CECR2: variants seen among roughly 807,000 people sequenced by gnomAD.
CECR2 encodes chromatin remodeling regulator CECR2.
In CECR2, 30 loss-of-function variants were observed where a neutral mutation model predicts 154.5. That is an observed-to-expected ratio of 0.19 (90% CI 0.15 to 0.26). The LOEUF (loss-of-function observed/expected upper bound fraction) is 0.26, where lower values mean the gene tolerates loss of function less well. CECR2 is among the 10% of genes least tolerant of loss of function. The pLI is 1.00. For missense variants in CECR2, 1,743 were observed against 1,829.3 expected (o/e 0.95, Z 0.86); for synonymous variants, 725 against 683.7 (o/e 1.06, Z -0.94).
At chr22:17,480,604 T>A (rs944123904) in intron 2 of CECR2, among the ~76,000 whole-genome samples, 1 of 152,212 alleles carries the variant, frequency 6.6e-6, no homozygotes, top group African/African-American at 2.4e-5. Context: ...AAATGATGGT[T>A]CCACATGCGG....
At chr22:17,396,492 AG>A (rs1191068685) in intron 1 of CECR2, among the ~76,000 whole-genome samples, 1 of 152,184 alleles carries the variant, frequency 6.6e-6, no homozygotes, top group East Asian at 1.9e-4. Flanking sequence ...GGTTGCGGTG[AG>A]CCGGGATTGC....
intron 1 of CECR2, among the ~76,000 whole-genome samples, chr22:17,414,640 T>TG (rs1462692407): frequency 6.6e-6 from 1 of 152,066 alleles, no homozygotes; most frequent in Non-Finnish European, 1.5e-5. Flanking sequence ...ACATTAGGTA[T>TG]GTCTCCTAAT....
rs1470270610 is a variant in CECR2 at position 17,422,497 on chromosome 22, G to A, written c.126+52588G>A. On this transcript the variant is annotated intron_variant, in intron 1 of 18. Coordinates refer to ENST00000262608, the MANE Select transcript of CECR2 (RefSeq NM_001290047.2). ...GGATCCCATGCCTGGCCTTAGAGTA[G>A]TTTTTTGAGCATTTATTGTGCTTGG... Among the ~76,000 whole-genome samples the A allele has an allele frequency of 4.6e-5, 7 of 152,126 alleles. No homozygotes were observed. The East Asian group carries it at 1.3e-3, about 29-fold the overall frequency.
chr22:17,371,807 T>C (rs1013934693), intron 1 of CECR2, among the ~76,000 whole-genome samples: 1 of 152,236 alleles, frequency 6.6e-6, no homozygotes, highest in South Asian at 2.1e-4. Context: ...TCAAAATCCA[T>C]GTATTCCCAT....
At chr22:17,418,250 G>A (rs1217211911) in intron 1 of CECR2, among the ~76,000 whole-genome samples, 1 of 152,190 alleles carries the variant, frequency 6.6e-6, no homozygotes, top group Non-Finnish European at 1.5e-5. Context: ...TGGAAAATAA[G>A]TGCAATCATA....
chr22:17,372,622 C>T (rs941099421), intron 1 of CECR2, among the ~76,000 whole-genome samples: 4 of 152,048 alleles, frequency 2.6e-5, no homozygotes, highest in African/African-American at 9.7e-5. Flanking sequence ...GAGCCGAGAT[C>T]GTGCCATTGC....
rs1242814742 is a variant in CECR2 at position 17,505,137 on chromosome 22, C to G, written c.870+121C>G. 2.2e-5 allele frequency: 21 copies of G among 936,424 alleles called. No homozygotes were observed. The East Asian group carries it at 5.1e-4, about 23-fold the overall frequency. The allele number at this position is 936,424 out of a possible 1,614,324, so 58.0% of individuals were successfully genotyped here. A position where few individuals can be genotyped will look rare whatever the true frequency, so the allele number is the denominator to read the frequency against. ...TCCTGGAAATAGTGCAGTCTTCCAT[C>G]CTGTCTGAACTCCAGTGTTAGAATG... On this transcript the variant is annotated intron_variant, in intron 7 of 18. Coordinates refer to ENST00000262608, the MANE Select transcript of CECR2 (RefSeq NM_001290047.2).
rs184442783 is a variant in CECR2 at position 17,521,474 on chromosome 22, G to A, written c.955-2644G>A. Among the ~76,000 whole-genome samples the A allele has an allele frequency of 6.4e-3, 963 of 151,358 alleles. 11 individuals carry two copies. The highest frequency in any genetic ancestry group is 0.022 in the African/African-American group (920 of 41,222). ...AGAATGGTGGAGCTTGCAGTGAGCC[G>A]AGATGGCGCCACTGCACTCCAGCCT... On this transcript the variant is annotated intron_variant, in intron 8 of 18. Transcript: ENST00000262608.
intron 2 of CECR2, among the ~76,000 whole-genome samples, chr22:17,488,916 A>T (rs2055473969): frequency 6.6e-6 from 1 of 152,180 alleles, no homozygotes; most frequent in Admixed American, 6.6e-5. Flanking sequence ...ATATCTGAAC[A>T]GTCCAGTTGC....
chr22:17,468,926 A>G (rs1448958798), intron 1 of CECR2, among the ~76,000 whole-genome samples: 2 of 152,144 alleles, frequency 1.3e-5, no homozygotes, highest in African/African-American at 4.8e-5. Context: ...GGCGGGAGGC[A>G]GGAGGACAAG....
intron 1 of CECR2, among the ~76,000 whole-genome samples, chr22:17,424,173 A>G (rs1017123838): frequency 1.3e-5 from 2 of 152,148 alleles, no homozygotes; most frequent in African/African-American, 4.8e-5. Context: ...CCTGGGTTCA[A>G]GCAATCCTCC....
intron 6 of CECR2, among the ~76,000 whole-genome samples, chr22:17,504,592 G>A (rs928904759): frequency 3.3e-4 from 49 of 150,440 alleles, no homozygotes; most frequent in Middle Eastern, 3.4e-3. Flanking sequence ...GCCCGCCACC[G>A]CGCCCGGCTA....
chr22:17,508,815 G>A (rs560434454), intron 7 of CECR2, among the ~76,000 whole-genome samples: 24 of 152,276 alleles, frequency 1.6e-4, no homozygotes, highest in Non-Finnish European at 3.2e-4. Flanking sequence ...ACATGACTGC[G>A]TGTCAGATTG....
At chr22:17,401,099 A>G (rs1248521474) in intron 1 of CECR2, among the ~76,000 whole-genome samples, 1 of 152,004 alleles carries the variant, frequency 6.6e-6, no homozygotes, top group Non-Finnish European at 1.5e-5. Context: ...AGGATTTTCT[A>G]AAGACTTCTT....
At chr22:17,368,560 A>G (rs370230152), upstream of CECR2, among the ~76,000 whole-genome samples, 1 of 152,186 alleles carries the variant, frequency 6.6e-6, no homozygotes, top group Admixed American at 6.5e-5. Flanking sequence ...TCTAAAGCAC[A>G]CACTCCAACA....
intron 1 of CECR2, among the ~76,000 whole-genome samples, chr22:17,451,661 C>T (rs1859662489): frequency 6.6e-6 from 1 of 152,130 alleles, no homozygotes; most frequent in South Asian, 2.1e-4. Context: ...AAGTTCTTTC[C>T]AGTGTATGGC....
At chr22:17,450,081 T>G (rs5746395) in intron 1 of CECR2, among the ~76,000 whole-genome samples, 45,280 of 152,096 alleles carry the variant, frequency 0.3, 9,604 homozygotes, top group African/African-American at 0.57. Context: ...GTTTAAGGAA[T>G]GAGAACAGTA....
At chr22:17,383,771 TCTC>T (rs956652244) in intron 1 of CECR2, among the ~76,000 whole-genome samples, 9 of 150,252 alleles carry the variant, frequency 6.0e-5, no homozygotes, top group African/African-American at 2.0e-4. Context: ...TTCAAGCAAT[TCTC>T]CTCCCTCAGC....
intron 1 of CECR2, among the ~76,000 whole-genome samples, chr22:17,448,859 C>T (rs1476493779): frequency 6.6e-6 from 1 of 151,844 alleles, no homozygotes; most frequent in Non-Finnish European, 1.5e-5. Context: ...TTTTCAGATT[C>T]CTCTTTTTTA....
Sources: allele counts gnomAD v4.1 joint callset (sites outside exome capture counted in the v4.1 genomes callset), GRCh38; gene constraint gnomAD v4.1.1; transcripts MANE v1.5; gene names NCBI Gene and HGNC (gene_info 2026-07-23, HGNC 2026-07-21).